The following PCDHGA5 variants were observed in gnomAD, a reference collection of about 807,000 sequenced individuals.
PCDHGA5 encodes protocadherin gamma-A5.
PCDHGA5 carries 36 observed loss-of-function variants against 56.7 expected under a neutral mutation model. The observed-to-expected ratio is 0.64, with a 90% CI of 0.49 to 0.84. The LOEUF is 0.84. PCDHGA5 is among the 40% of genes least tolerant of loss of function. PCDHGA5 has a pLI of 0.00. For missense variants in PCDHGA5, 1,305 were observed against 1,201.5 expected, an observed-to-expected ratio of 1.09 and a Z score of -1.27; for synonymous variants, 563 against 520.2, an observed-to-expected ratio of 1.08 and a Z score of -1.12.
chr5:141,501,066 A>G (rs2099805322), intron 2 of PCDHGA5, among the ~76,000 whole-genome samples: 1 of 151,976 alleles, frequency 6.6e-6, no homozygotes, highest in South Asian at 2.1e-4. Flanking sequence ...ACGGGGTTTC[A>G]CCATGTTGAC....
chr5:141,411,237 T>C (rs1472710660), intron 1 of PCDHGA5: 1 of 152,116 alleles, frequency 6.6e-6, no homozygotes, highest in Non-Finnish European at 1.5e-5. Flanking sequence ...GAAGACTTAG[T>C]GAATTTACGA....
intron 1 of PCDHGA5, among the ~76,000 whole-genome samples, chr5:141,455,138 T>C (rs1393664563): frequency 6.6e-6 from 1 of 151,028 alleles, no homozygotes; most frequent in Non-Finnish European, 1.5e-5. Context: ...TTACACTGTG[T>C]TAAATAAATA....
In PCDHGA5 at chr5:141,485,101, T is replaced by C; in HGVS notation, c.2422-9706T>C. On this transcript the variant is annotated intron_variant, in intron 1 of 3. Coordinates refer to ENST00000518069, the MANE Select transcript of PCDHGA5 (RefSeq NM_018918.3). The surrounding 1 kb of genome is among the most constrained non-coding windows in gnomAD (Gnocchi z 5.7). ...GGAAAGGGAGATAGGTGTCTCCAGC[T>C]GCTGTGGCTGTTTGGGGCGGGTCGG... 1 of 1,158,208 alleles carries C rather than the reference T, an allele frequency of 8.6e-7. No homozygotes were observed. Among genetic ancestry groups the C allele is most frequent in the South Asian group, 1.4e-5 (1 of 72,622 alleles). The allele number at this position is 1,158,208 out of a possible 1,614,324, so 71.7% of individuals were successfully genotyped here.
At chr5:141,400,652 T>A in intron 1 of PCDHGA5, 1 of 1,143,230 alleles carries the variant, frequency 8.7e-7, no homozygotes, top group Non-Finnish European at 1.3e-6. Flanking sequence ...AAAGCTGTCC[T>A]ACCATTCTTT....
intron 1 of PCDHGA5, chr5:141,371,148 G>T (rs759466044): frequency 9.9e-6 from 16 of 1,613,892 alleles, no homozygotes; most frequent in South Asian, 4.4e-5. Context: ...GGTCAATGTT[G>T]CAGAGAACCT....
rs192747939 is a variant in PCDHGA5 at position 141,487,483 on chromosome 5, T to C, written c.2422-7324T>C. 12 of 1,614,224 alleles carry C rather than the reference T, an allele frequency of 7.4e-6. No individual in the cohort carries two copies. In the Admixed American group the frequency reaches 1.8e-4, roughly 25 times the overall value. On this transcript the variant is annotated intron_variant, in intron 1 of 3. Coordinates refer to ENST00000518069, the MANE Select transcript of PCDHGA5 (RefSeq NM_018918.3). This position sits in a 1 kb window ranked among gnomAD's most constrained non-coding sequence, Gnocchi z 5.0. ...TTGTTGATGTGGGAGGCCACTCTCA[T>C]GGCTGTACACCCTTGGCTTCTGCAC... is the stretch of plus-strand genomic sequence containing the variant.
intron 1 of PCDHGA5, chr5:141,420,357 C>A: frequency 7.3e-7 from 1 of 1,376,278 alleles, no homozygotes; most frequent in East Asian, 2.6e-5. Flanking sequence ...TTTTAAGATT[C>A]TAGATAACTT....
intron 1 of PCDHGA5, chr5:141,383,493 G>T: frequency 1.2e-6 from 2 of 1,613,270 alleles, no homozygotes; most frequent in Non-Finnish European, 1.7e-6. Context: ...TGCTGGAGCG[G>T]GTGCTGGACC....
At chr5:141,428,551 G>A (rs1192248816) in intron 1 of PCDHGA5, 1 of 254,070 alleles carries the variant, frequency 3.9e-6, no homozygotes, top group Non-Finnish European at 7.8e-6. Flanking sequence ...ACCAGAAACA[G>A]TCCCCCCACA....
Position 141,477,202 on chromosome 5 carries a change from C to G in PCDHGA5, c.2422-17605C>G. 1 of 1,614,182 alleles carries G rather than the reference C, an allele frequency of 6.2e-7. No homozygotes were observed. The highest frequency in any genetic ancestry group is 1.1e-5 in the South Asian group (1 of 91,074). On this transcript the variant is annotated intron_variant, in intron 1 of 3. Transcript: ENST00000518069. This position sits in a 1 kb window ranked among gnomAD's most constrained non-coding sequence, Gnocchi z 4.9. ...TCACCTCCGTGTACAGCCCAGTACC[C>G]GAGGATGCCCCTCTGGGGACTGTCA...
chr5:141,494,749 G>C (rs573811540), intron 1 of PCDHGA5, 58 bp from the exon 2 acceptor site: 3 of 1,612,818 alleles, frequency 1.9e-6, no homozygotes, highest in South Asian at 2.2e-5. Context: ...CTAGGGGCTC[G>C]GGTGACATTC....
intron 1 of PCDHGA5, among the ~76,000 whole-genome samples, chr5:141,449,840 T>C (rs1367482819): frequency 6.6e-6 from 1 of 151,692 alleles, no homozygotes; most frequent in Non-Finnish European, 1.5e-5. Context: ...TTTTATATAA[T>C]TAAATTTTAA....
chr5:141,420,179 T>C (rs1420076172), intron 1 of PCDHGA5: 16 of 1,614,054 alleles, frequency 9.9e-6, no homozygotes, highest in Non-Finnish European at 1.2e-5. Flanking sequence ...TGTTGATCAT[T>C]GTCCAGCCAC....
chr5:141,414,958 G>T, intron 1 of PCDHGA5: 2 of 1,614,024 alleles, frequency 1.2e-6, no homozygotes, highest in East Asian at 2.2e-5. Context: ...GGTGACCAAG[G>T]TGGTGGCGGT....
At chr5:141,413,661 T>G (rs2095664313) in intron 1 of PCDHGA5, 1 of 1,613,886 alleles carries the variant, frequency 6.2e-7, no homozygotes. Flanking sequence ...CGGAAGCTAT[T>G]GATCCGGATG....
intron 1 of PCDHGA5, among the ~76,000 whole-genome samples, chr5:141,466,449 T>C (rs2154569205): frequency 6.6e-6 from 1 of 152,358 alleles, no homozygotes; most frequent in Admixed American, 6.5e-5. Flanking sequence ...ATGTCTATGG[T>C]GTTGGCTATT....
chr5:141,379,192 T>A (rs970501153), intron 1 of PCDHGA5: 36 of 152,346 alleles, frequency 2.4e-4, no homozygotes, highest in African/African-American at 8.7e-4. Context: ...AGTTGATGTG[T>A]TTTTAAATAA....
At chr5:141,470,124 G>A (rs1038487398) in intron 1 of PCDHGA5, among the ~76,000 whole-genome samples, 4 of 151,358 alleles carry the variant, frequency 2.6e-5, no homozygotes, top group African/African-American at 9.7e-5. Flanking sequence ...GCAAGACTTC[G>A]TCTCAAAAAA....
At chr5:141,371,583 G>T (rs1767867513) in intron 1 of PCDHGA5, 3 of 1,613,828 alleles carry the variant, frequency 1.9e-6, no homozygotes, top group Non-Finnish European at 2.5e-6. Context: ...AATCGTTCAA[G>T]ATACCAAAAA....
Sources: allele counts gnomAD v4.1 joint callset (sites outside exome capture counted in the v4.1 genomes callset), GRCh38; gene constraint gnomAD v4.1.1; non-coding constraint Gnocchi (gnomAD v3.1); transcripts MANE v1.5; gene names NCBI Gene and HGNC (gene_info 2026-07-23, HGNC 2026-07-21).